Variants in ARMC3 observed in about 807,000 individuals in gnomAD.
ARMC3 encodes armadillo repeat containing 3.
In ARMC3, 74 loss-of-function variants were observed where a neutral mutation model predicts 90.3. The ratio of observed to expected loss-of-function variants is 0.82; its 90% CI spans 0.68 to 0.99. The LOEUF is 0.99. Ranked by LOEUF, ARMC3 falls within the 50% of genes least tolerant of loss-of-function variation. The probability of loss-of-function intolerance (pLI) is 0.00; values close to 1 mark genes in which losing one functional copy is unlikely to be tolerated. For synonymous variants in ARMC3, 334 were observed against 361.8 expected (o/e 0.92, Z 0.87); for missense variants, 958 against 1,042.8 (o/e 0.92, Z 1.12).
Position 22,959,071 on chromosome 10 carries a change from T to C in ARMC3, c.294T>C (p.Asn98=). Residue 98 remains asparagine, a splice_region_variant and synonymous_variant, in exon 5 of 19, where the codon AAT becomes AAC. Coordinates refer to ENST00000298032, the MANE Select transcript of ARMC3 (RefSeq NM_173081.5). ...TMIFGILASN[N]DVKKLLRELD... ...AATACTCTGTTTCTTCCTTTGTAGA[T>C]GATGTTAAAAAATTGTTAAGGGAGT... 6.2e-7 allele frequency: 1 copy of C among 1,603,516 alleles called. No individual in the cohort carries two copies. The highest frequency in any genetic ancestry group is 8.5e-7 in the Non-Finnish European group (1 of 1,170,444).
At chr10:23,029,544 C>T (rs1838840213) in intron 16 of ARMC3, among the ~76,000 whole-genome samples, 1 of 152,054 alleles carries the variant, frequency 6.6e-6, no homozygotes, top group South Asian at 2.1e-4. Context: ...TTCAAAGAAC[C>T]ATTGAGGTGG....
intron 8 of ARMC3, among the ~76,000 whole-genome samples, chr10:22,980,772 TTAAG>T (rs1466776280): frequency 1.2e-4 from 19 of 152,306 alleles, no homozygotes; most frequent in Admixed American, 5.2e-4. Flanking sequence ...TTTTTGCTAC[TTAAG>T]TATGTATTGT....
chr10:22,952,266 G>A (rs2086208), intron 3 of ARMC3, among the ~76,000 whole-genome samples: 33,188 of 151,988 alleles, frequency 0.22, 3,805 homozygotes, highest in Non-Finnish European at 0.25. Flanking sequence ...TGCTTTTTGA[G>A]ATCAATAAAA....
At chr10:23,026,739 C>T (rs1838729378) in intron 16 of ARMC3, among the ~76,000 whole-genome samples, 2 of 152,122 alleles carry the variant, frequency 1.3e-5, no homozygotes, top group Admixed American at 6.5e-5. Context: ...TTTTCTTCTA[C>T]ATGTGTATTT....
intron 10 of ARMC3, among the ~76,000 whole-genome samples, chr10:22,995,880 C>T (rs1408357961): frequency 6.6e-6 from 1 of 152,148 alleles, no homozygotes; most frequent in Non-Finnish European, 1.5e-5. Flanking sequence ...TAAAATACTT[C>T]TGTTTCTATC....
chr10:23,021,445 C>T (rs746274770), intron 16 of ARMC3, among the ~76,000 whole-genome samples: 5 of 152,204 alleles, frequency 3.3e-5, no homozygotes, highest in South Asian at 2.1e-4. Flanking sequence ...AATGAACGTT[C>T]CCTTTTCTCC....
chr10:22,930,743 T>C lies in ARMC3; in HGVS notation c.-1-1253T>C, dbSNP rs189626406. Among the ~76,000 whole-genome samples, 50 of 152,260 alleles carry C rather than the reference T, an allele frequency of 3.3e-4. 2 individuals are homozygous for C. The highest frequency in any genetic ancestry group is 2.7e-3 in the Admixed American group (42 of 15,302). The stretch of plus-strand genomic sequence containing the variant: ...GACACTGTAGATTCTCCCCAAGGAT[T>C]TTCTACTTCCTAGGATTTCTACTGA... On this transcript the variant is annotated intron_variant, in intron 1 of 18. Transcript: ENST00000298032.
chr10:22,948,834 T>C (rs906951086), intron 3 of ARMC3, among the ~76,000 whole-genome samples: 2 of 152,202 alleles, frequency 1.3e-5, no homozygotes, highest in Admixed American at 6.5e-5. Flanking sequence ...AGGAGAGGAA[T>C]GAGTTTCACA....
In ARMC3 at chr10:22,983,768, C is replaced by T. The variant is rs546332394; in HGVS notation, c.1175+2068C>T. On this transcript the variant is annotated intron_variant, in intron 10 of 18. Coordinates refer to ENST00000298032, the MANE Select transcript of ARMC3 (RefSeq NM_173081.5). ...TGGAGTCAATCAAAAGGAATGAACA[C>T]GAATAAACCACATAGTCCTTCTAGA... Among the ~76,000 whole-genome samples, 34 of 152,226 alleles carry T rather than the reference C, an allele frequency of 2.2e-4. No homozygotes were observed. In the South Asian group the frequency reaches 6.8e-3, roughly 31 times the overall value.
At chr10:23,021,260 T>C (rs1319988959) in intron 16 of ARMC3, among the ~76,000 whole-genome samples, 3 of 152,220 alleles carry the variant, frequency 2.0e-5, no homozygotes. Flanking sequence ...TCGTGAATAG[T>C]GCTGCAATGA....
intron 10 of ARMC3, among the ~76,000 whole-genome samples, chr10:22,986,475 C>T (rs1251296072): frequency 6.6e-6 from 1 of 150,954 alleles, no homozygotes; most frequent in East Asian, 1.9e-4. Flanking sequence ...TTGCTTGAAC[C>T]CTGTAGGCAG....
At chr10:22,991,014 T>G (rs1178887417) in intron 10 of ARMC3, among the ~76,000 whole-genome samples, 2 of 152,020 alleles carry the variant, frequency 1.3e-5, no homozygotes, top group Admixed American at 6.6e-5. Flanking sequence ...TTCCTCTGCC[T>G]CCTCCTCCTT....
In ARMC3 at chr10:22,974,621, C is replaced by T. The variant is rs529816827; in HGVS notation, c.916+6132C>T. Among the ~76,000 whole-genome samples, 3 of 143,580 alleles carry T rather than the reference C, an allele frequency of 2.1e-5. No homozygotes were observed. In the Admixed American group the frequency reaches 2.1e-4, roughly 10 times the overall value. The allele number at this position is 143,580 out of a possible 152,430, so 94.2% of individuals were successfully genotyped here. ...AATAAGAGGTTATAGATTCCCCTCT[C>T]TAAAATCTGTTTTTTTTTGTTTGTT... is the stretch of plus-strand genomic sequence containing the variant. On this transcript the variant is annotated intron_variant, in intron 8 of 18. Transcript: ENST00000298032.
At chr10:22,946,312 T>A in intron 3 of ARMC3, 51 bp downstream of exon 3, 3 of 1,278,770 alleles carry the variant, frequency 2.3e-6, no homozygotes, top group Non-Finnish European at 3.4e-6. Flanking sequence ...TCTTAAAATA[T>A]TTACTACCTC....
At chr10:23,029,330 T>C (rs1838828961) in intron 16 of ARMC3, among the ~76,000 whole-genome samples, 1 of 152,172 alleles carries the variant, frequency 6.6e-6, no homozygotes, top group Non-Finnish European at 1.5e-5. Flanking sequence ...CAAATTTTGT[T>C]CTTCTCTGCT....
chr10:22,995,805 T>C lies in ARMC3; in HGVS notation c.1176-2343T>C, dbSNP rs552735501. Among the ~76,000 whole-genome samples the C allele has an allele frequency of 4.6e-5, 7 of 152,300 alleles. No individual in the cohort carries two copies. The South Asian group carries it at 1.2e-3, about 27-fold the overall frequency. ...GTATGACCCTGCGAACTCCTTTAGT[T>C]TTCCAAAAACTCCCTGGTACACACA... On this transcript the variant is annotated intron_variant, in intron 10 of 18. Transcript: ENST00000298032.
At chr10:22,935,976 A>T (rs887389804) in intron 2 of ARMC3, among the ~76,000 whole-genome samples, 42 of 152,214 alleles carry the variant, frequency 2.8e-4, no homozygotes, top group African/African-American at 1.0e-3. Context: ...TGTAGTAAAC[A>T]TATTGAAATA....
chr10:22,958,950 T>C (rs1007404871), intron 4 of ARMC3, 120 bp from the exon 5 acceptor site: 2 of 770,914 alleles, frequency 2.6e-6, no homozygotes, highest in African/African-American at 3.5e-5. Context: ...CTCGAACTCC[T>C]GACCTCAAGT....
chr10:22,995,478 G>A (rs1387784687), intron 10 of ARMC3, among the ~76,000 whole-genome samples: 2 of 152,094 alleles, frequency 1.3e-5, no homozygotes, highest in African/African-American at 2.4e-5. Context: ...TCATCTTTCT[G>A]TGCTGGCATT....
Sources: allele counts gnomAD v4.1 joint callset (sites outside exome capture counted in the v4.1 genomes callset), GRCh38; gene constraint gnomAD v4.1.1; transcripts MANE v1.5; gene names NCBI Gene and HGNC (gene_info 2026-07-23, HGNC 2026-07-21).